PTMA: variants seen among roughly 807,000 people sequenced by gnomAD.
PTMA encodes gene sequence 28.
In PTMA, 4 loss-of-function variants were observed where a neutral mutation model predicts 16.9. The ratio of observed to expected loss-of-function variants is 0.24; its 90% CI spans 0.12 to 0.54. The LOEUF is 0.54. Among genes scored for constraint, PTMA ranks in the 20% least tolerant of loss-of-function variants. The probability of loss-of-function intolerance (pLI) is 0.95; values close to 1 mark genes in which losing one functional copy is unlikely to be tolerated. For missense variants in PTMA, 120 were observed against 137.7 expected (o/e 0.87, Z 0.64); for synonymous variants, 58 against 47.9 (o/e 1.21, Z -0.87).
At chr2:231,710,579 A>G in intron 1 of PTMA, 1 of 529,544 alleles carries the variant, frequency 1.9e-6, no homozygotes, top group Admixed American at 2.4e-5. Flanking sequence ...CGGACGCCGG[A>G]CCTCTGTTGG....
In PTMA at chr2:231,711,775, T is replaced by G. The variant is rs1345103978; in HGVS notation, c.118-115T>G. ...AAGGGTCTCTGGGGTGGGCTTGGCT[T>G]GGCTGGGCTGTAGATGCAGCCGCCA... On this transcript the variant is annotated intron_variant, in intron 2 of 4. Transcript: ENST00000409115. 5.8e-5 allele frequency: 89 copies of G among 1,533,144 alleles called. No homozygotes were observed. In the South Asian group the frequency reaches 8.0e-4, roughly 14 times the overall value. 95.0% of individuals were successfully genotyped at this position (1,533,144 alleles called of 1,614,324 possible). A position where few individuals can be genotyped will look rare whatever the true frequency, so the allele number is the denominator to read the frequency against.
In PTMA at chr2:231,711,164, G is replaced by C. The variant is rs548604102; in HGVS notation, c.46-184G>C. 1.3e-4 allele frequency: 71 copies of C among 531,288 alleles called. No individual in the cohort carries two copies. In the South Asian group the frequency reaches 1.7e-3, roughly 13 times the overall value. The allele number at this position is 531,288 out of a possible 1,614,324, so 32.9% of individuals were successfully genotyped here. A position where few individuals can be genotyped will look rare whatever the true frequency, so the allele number is the denominator to read the frequency against. The stretch of plus-strand genomic sequence containing the variant: ...GAAACCTTGATCACAGATGCCCCCC[G>C]CCGGCCTTCCTTCCACCAGACCAGT... On this transcript the variant is annotated intron_variant, in intron 1 of 4. Transcript: ENST00000409115.
In PTMA at chr2:231,712,987, CCGCAGATGACACG is replaced by C; in HGVS notation, c.*140_*152del. On this transcript the variant is annotated 3_prime_UTR_variant, in exon 5 of 5. Coordinates refer to ENST00000409115, the MANE Select transcript of PTMA (RefSeq NM_002823.5). Reference sequence around the variant, plus strand: ...GCCCGCCCACCGTGGGCAGTGCCACCCGCAGATGACACGCGCTCTCCACCACCCAACCCAAACC... The same window carrying C: ...GCCCGCCCACCGTGGGCAGTGCCACCCGCTCTCCACCACCCAACCCAAACC... 2.3e-6 allele frequency: 2 copies of C among 860,308 alleles called. No individual in the cohort carries two copies. Among genetic ancestry groups the C allele is most frequent in the South Asian group, 3.6e-5 (2 of 56,150 alleles). The allele number at this position is 860,308 out of a possible 1,614,324, so 53.3% of individuals were successfully genotyped here.
intron 3 of PTMA, 41 bp from the exon 4 acceptor site, chr2:231,712,402 A>T (rs1335290327): frequency 1.3e-6 from 2 of 1,578,564 alleles, no homozygotes; most frequent in Non-Finnish European, 1.7e-6. Flanking sequence ...GAGCCACAGT[A>T]GGAGGGAAGT....
intron 1 of PTMA, among the ~76,000 whole-genome samples, chr2:231,709,147 G>C (rs1264347445): frequency 6.6e-6 from 1 of 152,152 alleles, no homozygotes; most frequent in African/African-American, 2.4e-5. Context: ...GGAAGTGCTG[G>C]GGGGCGCGTG....
intron 1 of PTMA, chr2:231,710,246 G>GCGCGACC: frequency 1.1e-5 from 14 of 1,332,654 alleles, no homozygotes; most frequent in Non-Finnish European, 1.4e-5. Flanking sequence ...GCCGACCGAC[G>GCGCGACC]CGCGACCCGC....
At chr2:231,709,958 G>A (rs542997515) in intron 1 of PTMA, 1 of 775,428 alleles carries the variant, frequency 1.3e-6, no homozygotes, top group Non-Finnish European at 1.7e-6. Context: ...CTCCACAGGG[G>A]CTCTCAGTGA....
At chr2:231,711,730 C>T (rs2048520991) in intron 2 of PTMA, 160 bp from the exon 3 acceptor site, 2 of 1,327,744 alleles carry the variant, frequency 1.5e-6, no homozygotes, top group Non-Finnish European at 2.0e-6. Context: ...ATGATGGAGC[C>T]TGGAGGGTGT....
chr2:231,710,967 G>A (rs190751240), intron 1 of PTMA, among the ~76,000 whole-genome samples: 3 of 152,378 alleles, frequency 2.0e-5, no homozygotes, highest in African/African-American at 7.2e-5. Flanking sequence ...GACGGCTCGA[G>A]GGGCGGGCTC....
Position 231,708,587 on chromosome 2 carries a change from G to T in PTMA, c.-120G>T, listed in dbSNP as rs185782209. The stretch of plus-strand genomic sequence containing the variant: ...TTCCTCATCCGCCTCCTTGCTCGCC[G>T]CAGCCGCCTCCGCCGCGCGCCTCCT... On this transcript the variant is annotated 5_prime_UTR_variant, in exon 1 of 5. Transcript: ENST00000409115. 2.1e-4 allele frequency: 263 copies of T among 1,263,408 alleles called. 1 individual carries two copies. The African/African-American group carries it at 3.0e-3, about 15-fold the overall frequency. 78.3% of individuals were successfully genotyped at this position (1,263,408 alleles called of 1,614,324 possible).
intron 1 of PTMA, chr2:231,710,262 T>TGC (rs1247628443): frequency 1.5e-6 from 2 of 1,334,238 alleles, no homozygotes. Flanking sequence ...CCCGCGCGCG[T>TGC]GCCACTGCAA....
intron 1 of PTMA, chr2:231,711,093 A>C (rs1223153136): frequency 2.7e-6 from 1 of 370,184 alleles, no homozygotes; most frequent in Admixed American, 4.3e-5. Context: ...GCCAGGGGGC[A>C]GTGGGAACCG....
chr2:231,710,196 T>C, intron 1 of PTMA: 1 of 1,316,710 alleles, frequency 7.6e-7, no homozygotes, highest in Non-Finnish European at 9.8e-7. Flanking sequence ...CATTCGGGCC[T>C]GCCGGGGTGG....
intron 4 of PTMA, 92 bp from the exon 5 acceptor site, chr2:231,712,712 C>T: frequency 6.8e-7 from 1 of 1,473,694 alleles, no homozygotes; most frequent in South Asian, 1.2e-5. Context: ...GCTGGGGGTC[C>T]CTGGTTCTTG....
chr2:231,709,086 G>T (rs1176599196), intron 1 of PTMA, among the ~76,000 whole-genome samples: 1 of 152,144 alleles, frequency 6.6e-6, no homozygotes, highest in Non-Finnish European at 1.5e-5. Context: ...GGGGGTCGTC[G>T]GCCCGCCGGG....
intron 2 of PTMA, 178 bp from the exon 3 acceptor site, chr2:231,711,712 C>T (rs950453957): frequency 3.4e-6 from 4 of 1,178,584 alleles, no homozygotes; most frequent in Non-Finnish European, 4.7e-6. Context: ...AGTTAATGTG[C>T]AGGTTTCATG....
At chr2:231,711,715 G>GT in intron 2 of PTMA, 175 bp from the exon 3 acceptor site, 1 of 1,232,910 alleles carries the variant, frequency 8.1e-7, no homozygotes, top group Non-Finnish European at 1.1e-6. Flanking sequence ...TAATGTGCAG[G>GT]TTTCATGATG....
chr2:231,712,314 T>C, intron 3 of PTMA, 129 bp from the exon 4 acceptor site: 1 of 1,029,034 alleles, frequency 9.7e-7, no homozygotes, highest in Non-Finnish European at 1.5e-6. Context: ...GTGGGTGCCC[T>C]GATTGGGCCC....
In PTMA at chr2:231,708,635, C is replaced by G. The variant is rs890940889; in HGVS notation, c.-72C>G. On this transcript the variant is annotated 5_prime_UTR_variant, in exon 1 of 5. Transcript: ENST00000409115. ...CCTCCGCCGCCGCGGACTCCGGCAG[C>G]TTTATCGCCAGAGTCCCTGAACTCT... 1 of 1,581,728 alleles carries G rather than the reference C, an allele frequency of 6.3e-7. No homozygotes were observed. Among genetic ancestry groups the G allele is most frequent in the Non-Finnish European group, 8.6e-7 (1 of 1,165,714 alleles).
Sources: allele counts gnomAD v4.1 joint callset (sites outside exome capture counted in the v4.1 genomes callset), GRCh38; gene constraint gnomAD v4.1.1; transcripts MANE v1.5; gene names NCBI Gene and HGNC (gene_info 2026-07-23, HGNC 2026-07-21).